The following TMED10 variants were observed in gnomAD, a reference collection of about 807,000 sequenced individuals.
The protein encoded by TMED10 is transmembrane p24 trafficking protein 10.
A neutral mutation model predicts 23.1 loss-of-function variants in TMED10; 7 were observed. The observed-to-expected ratio is 0.30, with a 90% CI of 0.17 to 0.57. TMED10 has a LOEUF of 0.57. TMED10 is among the 20% of genes least tolerant of loss of function. The pLI is 0.91. For missense variants in TMED10, 162 were observed against 274.8 expected (o/e 0.59, Z 2.90); for synonymous variants, 113 against 106.9 (o/e 1.06, Z -0.35).
intron 3 of TMED10, among the ~76,000 whole-genome samples, chr14:75,146,882 G>A (rs942904790): frequency 1.3e-5 from 2 of 150,308 alleles, no homozygotes; most frequent in Non-Finnish European, 2.9e-5. Context: ...AGTTGTTCAA[G>A]ACTAAACAGC....
intron 1 of TMED10, among the ~76,000 whole-genome samples, chr14:75,161,465 G>C (rs901605961): frequency 2.0e-5 from 3 of 151,804 alleles, no homozygotes; most frequent in Admixed American, 6.6e-5. Flanking sequence ...GACATCATTT[G>C]TTTTCTGATG....
At chr14:75,163,917 G>A (rs1280675373) in intron 1 of TMED10, among the ~76,000 whole-genome samples, 2 of 151,716 alleles carry the variant, frequency 1.3e-5, no homozygotes, top group Admixed American at 6.6e-5. Context: ...ACACCACCAC[G>A]CCCAGCTACT....
At chr14:75,138,847 T>C (rs1895787663) in intron 3 of TMED10, among the ~76,000 whole-genome samples, 1 of 150,728 alleles carries the variant, frequency 6.6e-6, no homozygotes. Context: ...TTGTTGTTGT[T>C]GTTGTTAAAG....
At chr14:75,168,424 T>C (rs1319361952) in intron 1 of TMED10, among the ~76,000 whole-genome samples, 1 of 152,276 alleles carries the variant, frequency 6.6e-6, no homozygotes, top group East Asian at 1.9e-4. Flanking sequence ...ACTCCATATC[T>C]ACTTATTTCA....
At chr14:75,151,076 T>C (rs1349873455) in intron 2 of TMED10, among the ~76,000 whole-genome samples, 1 of 151,496 alleles carries the variant, frequency 6.6e-6, no homozygotes, top group Non-Finnish European at 1.5e-5. Context: ...TGGCTAATTT[T>C]TGTATTTTTA....
Position 75,132,167 on chromosome 14 carries a change from C to T in TMED10, c.*2718G>A, listed in dbSNP as rs1289056578. 1 of 152,182 alleles carries T rather than the reference C, an allele frequency of 6.6e-6. No individual in the cohort carries two copies. The highest frequency in any genetic ancestry group is 1.5e-5 in the Non-Finnish European group (1 of 68,070). 9.4% of individuals were successfully genotyped at this position (152,182 alleles called of 1,614,324 possible). A position where few individuals can be genotyped will look rare whatever the true frequency, so the allele number is the denominator to read the frequency against. On this transcript the variant is annotated 3_prime_UTR_variant, in exon 5 of 5. Coordinates refer to ENST00000303575, the MANE Select transcript of TMED10 (RefSeq NM_006827.6). ...CTTTGGGAGGCTGAGGCAGGCAGAT[C>T]ACTTGAGGTCAGGAGTTCGAGACCA... is the stretch of plus-strand genomic sequence containing the variant.
At chr14:75,161,178 T>C (rs1896081237) in intron 1 of TMED10, among the ~76,000 whole-genome samples, 1 of 152,212 alleles carries the variant, frequency 6.6e-6, no homozygotes, top group Non-Finnish European at 1.5e-5. Context: ...CATTTAAAAT[T>C]GGATTTTCTT....
chr14:75,134,911 A>G lies in TMED10; in HGVS notation c.634T>C (p.Phe212Leu). Residue 212 changes from phenylalanine (F) to leucine (L), a missense_variant, in exon 5 of 5, where the codon TTC becomes CTC. Physicochemically the swap from Phe to Leu is conservative, Grantham distance 22. Transcript: ENST00000303575. ...TWQVFYLRRF[F>L]KAKKLIE ...TACTCAATCAATTTCTTGGCCTTGAAGAAGCGTCGCAGGTAGAAGACCTGC... is the reference window on the plus strand; with the variant it reads ...TACTCAATCAATTTCTTGGCCTTGAGGAAGCGTCGCAGGTAGAAGACCTGC... 1 of 1,614,136 alleles carries G rather than the reference A, an allele frequency of 6.2e-7. No individual in the cohort carries two copies. Among genetic ancestry groups the G allele is most frequent in the Non-Finnish European group, 8.5e-7 (1 of 1,179,966 alleles).
At chr14:75,167,992 T>A (rs1418298826) in intron 1 of TMED10, among the ~76,000 whole-genome samples, 1 of 152,192 alleles carries the variant, frequency 6.6e-6, no homozygotes, top group Non-Finnish European at 1.5e-5. Context: ...GTTAGCCTGA[T>A]TTAGCCTCAC....
chr14:75,153,248 T>C (rs963181647), intron 1 of TMED10, among the ~76,000 whole-genome samples: 1 of 151,868 alleles, frequency 6.6e-6, no homozygotes, highest in African/African-American at 2.4e-5. Context: ...CACTGCAGCC[T>C]GGGTGACAGA....
intron 3 of TMED10, among the ~76,000 whole-genome samples, chr14:75,143,896 T>TAGTG (rs1338227793): frequency 7.0e-6 from 1 of 143,216 alleles, no homozygotes; most frequent in African/African-American, 2.6e-5. Flanking sequence ...ATCACGCCAC[T>TAGTG]GCACTACAGC....
intron 1 of TMED10, among the ~76,000 whole-genome samples, chr14:75,162,797 G>A (rs1186980875): frequency 1.3e-5 from 2 of 151,882 alleles, no homozygotes; most frequent in Non-Finnish European, 2.9e-5. Context: ...AGTGAATCAT[G>A]GTTTTGACAA....
chr14:75,167,163 T>C (rs1452451529), intron 1 of TMED10, among the ~76,000 whole-genome samples: 1 of 151,908 alleles, frequency 6.6e-6, no homozygotes, highest in African/African-American at 2.4e-5. Context: ...GATGGTCTCA[T>C]TCTCCTGACC....
chr14:75,158,419 G>T (rs948695566), intron 1 of TMED10, among the ~76,000 whole-genome samples: 3 of 152,074 alleles, frequency 2.0e-5, no homozygotes, highest in Non-Finnish European at 4.4e-5. Flanking sequence ...CCTCAACCTC[G>T]TAGGCTCAAG....
chr14:75,137,530 C>A (rs1895764751), intron 3 of TMED10, among the ~76,000 whole-genome samples: 1 of 149,438 alleles, frequency 6.7e-6, no homozygotes, highest in Non-Finnish European at 1.5e-5. Context: ...AAAAAAATAG[C>A]TGGGCGTGGT....
In TMED10 at chr14:75,176,108, C is replaced by T; in HGVS notation, c.225+247G>A. ...TATAGGACGTTGACAACCGCCCCAG[C>T]TCAGGTGTCACCACATCCGCCAAAG... On this transcript the variant is annotated intron_variant, in intron 1 of 4. Transcript: ENST00000303575. The T allele has an allele frequency of 5.3e-6, 3 of 567,328 alleles. No homozygotes were observed. In the Admixed American group the frequency reaches 9.2e-5, roughly 17 times the overall value. The allele number at this position is 567,328 out of a possible 1,614,324, so 35.1% of individuals were successfully genotyped here.
Position 75,132,038 on chromosome 14 carries a change from A to T in TMED10, c.*2847T>A, listed in dbSNP as rs1400123505. On this transcript the variant is annotated 3_prime_UTR_variant, in exon 5 of 5. Coordinates refer to ENST00000303575, the MANE Select transcript of TMED10 (RefSeq NM_006827.6). ...AAGGGGAAAGGCACCAGTCAGAAAT[A>T]GGAAAGAAAATCTTGTTAGGCTAAC... The T allele has an allele frequency of 6.6e-6, 1 of 152,668 alleles. No homozygotes were observed. The highest frequency in any genetic ancestry group is 1.5e-5 in the Non-Finnish European group (1 of 68,050). The allele number at this position is 152,668 out of a possible 1,614,324, so 9.5% of individuals were successfully genotyped here.
At chr14:75,160,900 C>T (rs772709009) in intron 1 of TMED10, among the ~76,000 whole-genome samples, 3 of 151,960 alleles carry the variant, frequency 2.0e-5, no homozygotes, top group Non-Finnish European at 2.9e-5. Flanking sequence ...AAAAATTAGC[C>T]GGGCATGGTG....
chr14:75,174,373 A>C (rs1455571304), intron 1 of TMED10, among the ~76,000 whole-genome samples: 3 of 152,154 alleles, frequency 2.0e-5, no homozygotes, highest in Non-Finnish European at 4.4e-5. Context: ...AATTTAAACT[A>C]TCAATAAGCA....
Sources: gnomAD v4.1 joint callset for allele counts (sites outside exome capture counted in the v4.1 genomes callset) on GRCh38, gnomAD v4.1.1 for gene constraint, MANE v1.5 for transcripts, NCBI Gene and HGNC (gene_info 2026-07-23, HGNC 2026-07-21) for gene names.